The following SHANK1 variants were observed in gnomAD, a reference collection of about 807,000 sequenced individuals.
The protein encoded by SHANK1 is SH3 and multiple ankyrin repeat domains 1, also known as SH3 and multiple ankyrin repeat domains protein 1.
In SHANK1, 35 loss-of-function variants were observed where a neutral mutation model predicts 165.6. The ratio of observed to expected loss-of-function variants is 0.21; its 90% confidence interval spans 0.16 to 0.28. SHANK1 has a LOEUF of 0.28. SHANK1 is among the 10% of genes least tolerant of loss of function. The pLI is 1.00. For synonymous variants in SHANK1, 1,428 were observed against 1,384.8 expected (o/e 1.03, Z -0.69); for missense variants, 2,681 against 3,036.4 (o/e 0.88, Z 2.75).
rs561443642 is a variant in SHANK1 at position 50,669,151 on chromosome 19, G to T, written c.2809C>A (p.Pro937Thr). Residue 937 changes from proline to threonine, a missense_variant, in exon 23 of 24, where the codon CCA becomes ACA. By Grantham distance (38) the Pro-to-Thr change is conservative. This residue lies in a region of SHANK1 where 1,713 missense variants were observed against 1,630.2 expected (regional missense o/e 1.05). Coordinates refer to ENST00000293441, the MANE Select transcript of SHANK1 (RefSeq NM_016148.5). ...AGGCGCCCTGAGGAGGAGGGGACTG[G>T]AGGTGTGCTGTAGGGAGGCTCCGGT... is the stretch of plus-strand genomic sequence containing the variant. ...SPPEPPYSTP[P>T]VPSSSGRLTP... 11 of 1,577,492 alleles carry T rather than the reference G, an allele frequency of 7.0e-6. No homozygotes were observed. The highest frequency in any genetic ancestry group is 9.5e-6 in the Non-Finnish European group (11 of 1,162,464).
chr19:50,714,252 C>G lies in SHANK1; in HGVS notation c.570G>C (p.Gly190=). The G allele has an allele frequency of 1.2e-6, 2 of 1,614,162 alleles. No individual in the cohort carries two copies. Among genetic ancestry groups the G allele is most frequent in the Non-Finnish European group, 1.7e-6 (2 of 1,180,038 alleles). ...GCAGCCGCGCCACCTTGTCAGATGTCCCGAGCTGCACATACTCCAGGAACT... is the reference window on the plus strand; with the variant it reads ...GCAGCCGCGCCACCTTGTCAGATGTGCCGAGCTGCACATACTCCAGGAACT... ...LKKFLEYVQL[G]TSDKVARLLD... The change falls in exon 5 of 24, where the codon GGG becomes GGC. Residue 190 remains glycine, a synonymous_variant. Coordinates refer to ENST00000293441, the MANE Select transcript of SHANK1 (RefSeq NM_016148.5).
intron 8 of SHANK1, among the ~76,000 whole-genome samples, 185 bp from the exon 9 acceptor site, chr19:50,704,699 C>G (rs1196174361): frequency 6.6e-6 from 1 of 152,084 alleles, no homozygotes; most frequent in Non-Finnish European, 1.5e-5. Flanking sequence ...CGTGGCCGGC[C>G]CAAACGGAGA....
At position 50,667,838 on chromosome 19, in the gene SHANK1, G is replaced by A. The variant is rs1031922947; in HGVS notation, c.4122C>T (p.Pro1374=). The A allele has an allele frequency of 1.5e-6, 2 of 1,296,698 alleles. No individual in the cohort carries two copies. The highest frequency in any genetic ancestry group is 4.2e-5 in the Admixed American group (1 of 23,850). The allele number at this position is 1,296,698 out of a possible 1,614,324, so 80.3% of individuals were successfully genotyped here. The part of the protein sequence containing the change: ...LKESSEGGGA[P]QPPPRPPSPR... ...GCGATGGGGGCCTGGGAGGCGGCTGGGGGGCCCCGCCGCCCTCCGAGGACT... is the reference window on the plus strand; with the variant it reads ...GCGATGGGGGCCTGGGAGGCGGCTGAGGGGCCCCGCCGCCCTCCGAGGACT... The change falls in exon 23 of 24, where the codon CCC becomes CCT. Residue 1374 remains proline, a synonymous_variant. Transcript: ENST00000293441. The surrounding 1 kb of genome is among the most constrained non-coding windows in gnomAD (Gnocchi z 5.7).
chr19:50,671,714 G>A (rs562805839), intron 22 of SHANK1, among the ~76,000 whole-genome samples: 1 of 152,142 alleles, frequency 6.6e-6, no homozygotes, highest in Admixed American at 6.6e-5. Context: ...ATGGAATCGG[G>A]TATAAGAGAA....
intron 21 of SHANK1, among the ~76,000 whole-genome samples, chr19:50,675,606 G>A (rs1463996072): frequency 1.3e-5 from 2 of 152,236 alleles, no homozygotes; most frequent in Non-Finnish European, 2.9e-5. Context: ...AAATGTCCCA[G>A]CCCACAGGAA....
chr19:50,687,307 A>G (rs1251225125), intron 19 of SHANK1, among the ~76,000 whole-genome samples: 1 of 151,902 alleles, frequency 6.6e-6, no homozygotes, highest in African/African-American at 2.4e-5. Context: ...GGTGGGACAA[A>G]AGGAAGGAGA....
chr19:50,662,639 T>C lies in SHANK1; in HGVS notation c.5812A>G (p.Ser1938Gly), dbSNP rs895956129. ...TTGGGCCAGTTCTGAAACAGGCTGCTGACAGGCTTGGAGAGGAGTGAGGAC... is the reference window on the plus strand; with the variant it reads ...TTGGGCCAGTTCTGAAACAGGCTGCCGACAGGCTTGGAGAGGAGTGAGGAC... ...SQSSLLSKPV[S>G]SLFQNWPKPP... The change falls in exon 24 of 24, where the codon AGC (serine) becomes GGC (glycine). Residue 1938 changes from serine (S) to glycine (G), a missense_variant. Transcript: ENST00000293441. The surrounding 1 kb of genome is among the most constrained non-coding windows in gnomAD (Gnocchi z 7.7). 3.8e-6 allele frequency: 6 copies of C among 1,561,458 alleles called. No individual in the cohort carries two copies. The Admixed American group carries it at 7.7e-5, about 20-fold the overall frequency.
In SHANK1 at chr19:50,661,036, G is replaced by T. The variant is rs536366527; in HGVS notation, c.*929C>A. 1.3e-5 allele frequency among the ~76,000 whole-genome samples: 2 copies of T among 152,038 alleles called. No homozygotes were observed. The highest frequency in any genetic ancestry group is 4.8e-5 in the African/African-American group (2 of 41,376). ...GAATAAGAAGGGAAAGTGCTTCAAC[G>T]TAAGAAAATGGAGGTAAGAGTGTGT... On this transcript the variant is annotated 3_prime_UTR_variant, in exon 24 of 24. Coordinates refer to ENST00000293441, the MANE Select transcript of SHANK1 (RefSeq NM_016148.5).
At chr19:50,701,267 C>T (rs1257572653) in intron 12 of SHANK1, among the ~76,000 whole-genome samples, 6 of 150,660 alleles carry the variant, frequency 4.0e-5, no homozygotes, top group Admixed American at 2.0e-4. Context: ...CTGCAACCTC[C>T]GCCTCCCGGG....
chr19:50,688,856 G>A lies in SHANK1; in HGVS notation c.2160C>T (p.Asp720=). The A allele has an allele frequency of 1.2e-6, 2 of 1,605,438 alleles. No individual in the cohort carries two copies. The highest frequency in any genetic ancestry group is 8.5e-7 in the Non-Finnish European group (1 of 1,176,048). ...VAWRAGLRMG[D]FLIEVNGQNV... The stretch of plus-strand genomic sequence containing the variant: ...GGCCTGGACTGACCTCGATGAGGAA[G>A]TCTCCCATTCGCAGTCCAGCTCGCC... Residue 720 remains aspartate (D), a synonymous_variant, in exon 17 of 24, where the codon GAC becomes GAT. Transcript: ENST00000293441. This position sits in a 1 kb window ranked among gnomAD's most constrained non-coding sequence, Gnocchi z 6.7.
At position 50,661,059 on chromosome 19, in the gene SHANK1, T is replaced by C. The variant is rs1985196242; in HGVS notation, c.*906A>G. Among the ~76,000 whole-genome samples, 1 of 151,542 alleles carries C rather than the reference T, an allele frequency of 6.6e-6. No individual in the cohort carries two copies. Among genetic ancestry groups the C allele is most frequent in the African/African-American group, 2.4e-5 (1 of 41,204 alleles). ...ACGTAAGAAAATGGAGGTAAGAGTG[T>C]GTCAGGAGGGGTGCATAAGATAGCA... On this transcript the variant is annotated 3_prime_UTR_variant, in exon 24 of 24. Transcript: ENST00000293441.
rs1444987190 is a variant in SHANK1 at position 50,662,190 on chromosome 19, G to C, written c.6261C>G (p.Asp2087Glu). The change falls in exon 24 of 24, where the codon GAC becomes GAG. Residue 2087 changes from aspartate to glutamate, a missense_variant. Transcript: ENST00000293441. This position sits in a 1 kb window ranked among gnomAD's most constrained non-coding sequence, Gnocchi z 7.7. ...CCAGAGGTTTAGCGCCAAACGGCTT[G>C]TCCGGGGGCAGCGAGAGCAGGCGGG... ...SPTRLLSLPPDKPFGAKPLGF... is the reference protein window; with the variant it reads ...SPTRLLSLPPEKPFGAKPLGF... 1.2e-6 allele frequency: 2 copies of C among 1,609,976 alleles called. No individual in the cohort carries two copies. Among genetic ancestry groups the C allele is most frequent in the Admixed American group, 3.3e-5 (2 of 59,858 alleles).
chr19:50,666,611 G>A lies in SHANK1; in HGVS notation c.5349C>T (p.Thr1783=). 6.2e-7 allele frequency: 1 copy of A among 1,601,064 alleles called. No individual in the cohort carries two copies. The highest frequency in any genetic ancestry group is 8.5e-7 in the Non-Finnish European group (1 of 1,176,074). The change falls in exon 23 of 24, where the codon ACC becomes ACT. Residue 1783 remains threonine, a synonymous_variant. Coordinates refer to ENST00000293441, the MANE Select transcript of SHANK1 (RefSeq NM_016148.5). The part of the protein sequence containing the change: ...SGGLRDPVTP[T]SPTVSVTGAG... ...CCCCTGTCACCGAGACGGTGGGGCT[G>A]GTGGGGGTAACAGGGTCTCGGAGTC...
At chr19:50,681,536 C>T (rs1425619518) in intron 21 of SHANK1, among the ~76,000 whole-genome samples, 1 of 152,126 alleles carries the variant, frequency 6.6e-6, no homozygotes, top group African/African-American at 2.4e-5. Flanking sequence ...TCTTGACTGT[C>T]CTGTAACTGG....
At chr19:50,709,217 C>T (rs1384768983) in intron 8 of SHANK1, among the ~76,000 whole-genome samples, 1 of 152,130 alleles carries the variant, frequency 6.6e-6, no homozygotes, top group Non-Finnish European at 1.5e-5. Context: ...TGGCTCACTG[C>T]AAACTCCGCC....
Position 50,662,445 on chromosome 19 carries a change from C to T in SHANK1, c.6006G>A (p.Ser2002=), listed in dbSNP as rs370305774. The change falls in exon 24 of 24, where the codon TCG becomes TCA. Residue 2002 remains serine, a synonymous_variant. Coordinates refer to ENST00000293441, the MANE Select transcript of SHANK1 (RefSeq NM_016148.5). The surrounding 1 kb of genome is among the most constrained non-coding windows in gnomAD (Gnocchi z 7.7). ...PPLLRRAPSP[S]LLPASEHKVS... is the part of the protein sequence containing the mutation. ...CCTTGTGCTCCGAGGCGGGCAGCAGCGAGGGGCTGGGGGCCCGGCGGAGCA... is the reference window on the plus strand; with the variant it reads ...CCTTGTGCTCCGAGGCGGGCAGCAGTGAGGGGCTGGGGGCCCGGCGGAGCA... 4.5e-5 allele frequency: 70 copies of T among 1,552,654 alleles called. No individual in the cohort carries two copies. In the Admixed American group the frequency reaches 6.0e-4, roughly 13 times the overall value.
intron 15 of SHANK1, among the ~76,000 whole-genome samples, chr19:50,693,728 CT>C (rs1215372364): frequency 6.6e-6 from 1 of 152,162 alleles, no homozygotes; most frequent in Non-Finnish European, 1.5e-5. Context: ...GCCAGCCCCC[CT>C]CCCCATGCTG....
At position 50,686,638 on chromosome 19, in the gene SHANK1, G is replaced by A. The variant is rs2123128549; in HGVS notation, c.2458+106C>T. The A allele has an allele frequency of 9.2e-7, 1 of 1,091,430 alleles. No homozygotes were observed. The highest frequency in any genetic ancestry group is 1.4e-5 in the South Asian group (1 of 72,246). 67.6% of individuals were successfully genotyped at this position (1,091,430 alleles called of 1,614,324 possible). On this transcript the variant is annotated intron_variant, in intron 20 of 23. Transcript: ENST00000293441. This position sits in a 1 kb window ranked among gnomAD's most constrained non-coding sequence, Gnocchi z 5.7. Reference sequence around the variant, plus strand: ...GGGGAGGTGGGATCGCAGCCTCTCTGGGGCAGGAAGGTGAGGGGCGCCGTG... The same window carrying A: ...GGGGAGGTGGGATCGCAGCCTCTCTAGGGCAGGAAGGTGAGGGGCGCCGTG...
rs930616967 is a variant in SHANK1, at chr19:50,702,396, C to T, written c.1747+71G>A. 4.3e-6 allele frequency: 6 copies of T among 1,403,684 alleles called. No homozygotes were observed. The African/African-American group carries it at 7.1e-5, about 17-fold the overall frequency. The allele number at this position is 1,403,684 out of a possible 1,614,324, so 87.0% of individuals were successfully genotyped here. A position where few individuals can be genotyped will look rare whatever the true frequency, so the allele number is the denominator to read the frequency against. On this transcript the variant is annotated intron_variant, in intron 12 of 23. Transcript: ENST00000293441. This position sits in a 1 kb window ranked among gnomAD's most constrained non-coding sequence, Gnocchi z 5.3. The stretch of plus-strand genomic sequence containing the variant: ...TCCAGGTGCCCGAGAATGGTCTGCT[C>T]TCTGCTCCACATTTTCCCTGATCGC...
Sources: gnomAD v4.1 joint callset for allele counts (sites outside exome capture counted in the v4.1 genomes callset) on GRCh38, gnomAD v4.1.1 for gene constraint, gnomAD v4.1.1 regional missense constraint, Gnocchi (gnomAD v3.1) non-coding constraint, MANE v1.5 for transcripts, NCBI Gene and HGNC (gene_info 2026-07-23, HGNC 2026-07-21) for gene names.